The following TMEM272 variants were observed in gnomAD, a reference collection of about 807,000 sequenced individuals.
TMEM272 encodes long intergenic non-protein coding RNA 282.
In TMEM272, 8 loss-of-function variants were observed where a neutral mutation model predicts 3.7. The ratio of observed to expected loss-of-function variants is 2.17; its 90% CI spans 1.27 to 3.91. The LOEUF is 3.91. TMEM272 is among the 30% of genes most tolerant of loss of function. TMEM272 has a pLI of 0.00. For missense variants in TMEM272, 166 were observed against 91.5 expected (o/e 1.81, Z -3.32); for synonymous variants, 63 against 39.8 (o/e 1.58, Z -2.20).
the TMEM272 span, among the ~76,000 whole-genome samples, chr13:51,929,719 C>T: frequency 6.6e-6 from 1 of 152,326 alleles, no homozygotes; most frequent in South Asian, 2.1e-4. Context: ...TGGGTTTGAA[C>T]GCCCCTTCTG....
At chr13:51,916,097 C>CACTT in the TMEM272 span, among the ~76,000 whole-genome samples, 1 of 152,152 alleles carries the variant, frequency 6.6e-6, no homozygotes, top group Admixed American at 6.5e-5. Flanking sequence ...AAATCACTGA[C>CACTT]ACTTAACACT....
At chr13:51,908,883 G>C in the TMEM272 span, 1 of 1,421,844 alleles carries the variant, frequency 7.0e-7, no homozygotes, top group African/African-American at 1.4e-5. Flanking sequence ...GTGAGGATCA[G>C]TAAACCTATC....
chr13:51,837,455 A>G (rs967650727), intron 2 of TMEM272, among the ~76,000 whole-genome samples: 6 of 152,198 alleles, frequency 3.9e-5, no homozygotes, highest in African/African-American at 1.4e-4. Flanking sequence ...TCACAGCAGT[A>G]GGTGTGCTCC....
the TMEM272 span, among the ~76,000 whole-genome samples, chr13:51,926,190 TG>T: frequency 1.3e-5 from 2 of 152,058 alleles, no homozygotes; most frequent in Non-Finnish European, 2.9e-5. Context: ...TTCCCTGCAC[TG>T]GTTCCTTGAG....
the TMEM272 span, among the ~76,000 whole-genome samples, chr13:51,902,216 GC>G: frequency 1.3e-5 from 2 of 152,210 alleles, no homozygotes; most frequent in Non-Finnish European, 2.9e-5. Flanking sequence ...ATGAAAAAAA[GC>G]ACTGATGTTG....
At chr13:51,830,263 A>T (rs1956162162) in intron 2 of TMEM272, among the ~76,000 whole-genome samples, 1 of 152,194 alleles carries the variant, frequency 6.6e-6, no homozygotes, top group Non-Finnish European at 1.5e-5. Context: ...CTAAGAGTGG[A>T]GAGGTAAAAT....
chr13:51,899,951 A>C, the TMEM272 span, among the ~76,000 whole-genome samples: 1 of 152,330 alleles, frequency 6.6e-6, no homozygotes, highest in Middle Eastern at 3.4e-3. Flanking sequence ...ATTCACCTAT[A>C]AAAGAATGAA....
intron 2 of TMEM272, among the ~76,000 whole-genome samples, chr13:51,833,830 C>T (rs1593596544): frequency 6.6e-6 from 1 of 152,034 alleles, no homozygotes; most frequent in Admixed American, 6.5e-5. Flanking sequence ...TTCTCTGATC[C>T]CTGAAAAGAG....
At chr13:51,848,005 A>C (rs188972416), upstream of TMEM272, among the ~76,000 whole-genome samples, 28 of 152,316 alleles carry the variant, frequency 1.8e-4, no homozygotes, top group Non-Finnish European at 3.2e-4. Context: ...AGAAAGTAGG[A>C]GTCTTTGGAA....
the TMEM272 span, chr13:51,910,416 C>T: frequency 1.3e-5 from 13 of 989,260 alleles, no homozygotes; most frequent in East Asian, 4.8e-5. Flanking sequence ...CACATAAAGC[C>T]GACTCCTAAC....
chr13:51,905,099 C>T, the TMEM272 span, among the ~76,000 whole-genome samples: 1 of 152,148 alleles, frequency 6.6e-6, no homozygotes, highest in African/African-American at 2.4e-5. Flanking sequence ...AAAGCACCCT[C>T]GTTGAGAAGC....
At chr13:51,870,828 G>A in the TMEM272 span, among the ~76,000 whole-genome samples, 3 of 152,268 alleles carry the variant, frequency 2.0e-5, no homozygotes, top group Non-Finnish European at 2.9e-5. Flanking sequence ...GGAAGACTAC[G>A]TTTTCAAGAA....
At chr13:51,834,040 G>A (rs79270310) in intron 2 of TMEM272, among the ~76,000 whole-genome samples, 2,089 of 152,264 alleles carry the variant, frequency 0.014, 56 homozygotes, top group African/African-American at 0.047. Context: ...GCGGCACCAG[G>A]TCCCCAGGCT....
chr13:51,817,159 T>C (rs1460082434), intron 4 of TMEM272, 46 bp from the exon 5 acceptor site: 2 of 677,400 alleles, frequency 3.0e-6, no homozygotes, highest in East Asian at 2.7e-5. Flanking sequence ...AGCAGCAAAA[T>C]AGACGGGAAG....
At chr13:51,926,648 G>T in the TMEM272 span, among the ~76,000 whole-genome samples, 1 of 151,262 alleles carries the variant, frequency 6.6e-6, no homozygotes. Context: ...TGTGGGTGTG[G>T]GTGTGGGTGT....
rs79852921 is a variant in TMEM272 at position 51,829,519 on chromosome 13, C to T, written c.59-2894G>A. Among the ~76,000 whole-genome samples the T allele has an allele frequency of 1.2e-3, 183 of 152,254 alleles. 5 individuals carry two copies. In the East Asian group the frequency reaches 0.034, roughly 28 times the overall value. On this transcript the variant is annotated intron_variant, in intron 2 of 4. Coordinates refer to ENST00000629372, the MANE Select transcript of TMEM272 (RefSeq NM_001351003.2). ...ATCTAGCCACATTTGTTTTAATTCT[C>T]AACTTAGAGTGGCGGTCAAGGAAGA... is the stretch of plus-strand genomic sequence containing the variant.
chr13:51,852,174 G>A, the TMEM272 span, among the ~76,000 whole-genome samples: 1 of 152,298 alleles, frequency 6.6e-6, no homozygotes. Context: ...CAAACTTTTG[G>A]ATTTTTGCCA....
chr13:51,892,000 G>A, the TMEM272 span, among the ~76,000 whole-genome samples: 1 of 152,334 alleles, frequency 6.6e-6, no homozygotes, highest in South Asian at 2.1e-4. Flanking sequence ...GTAATGCTAT[G>A]CGAGCTCACA....
chr13:51,869,909 T>C, the TMEM272 span, among the ~76,000 whole-genome samples: 6 of 152,232 alleles, frequency 3.9e-5, no homozygotes, highest in Non-Finnish European at 7.3e-5. Flanking sequence ...TTTTCTCTCC[T>C]GGTTGTGCTC....
Sources: allele counts gnomAD v4.1 joint callset (sites outside exome capture counted in the v4.1 genomes callset), GRCh38; gene constraint gnomAD v4.1.1; transcripts MANE v1.5; gene names NCBI Gene and HGNC (gene_info 2026-07-23, HGNC 2026-07-21).